Variants in AJAP1 observed in about 807,000 individuals in gnomAD.
AJAP1 encodes adherens junctions associated protein 1, also known as adherens junction-associated protein 1.
AJAP1 carries 5 observed loss-of-function variants against 35.0 expected under a neutral mutation model. The ratio of observed to expected loss-of-function variants is 0.14; its 90% CI spans 0.07 to 0.30. The LOEUF (loss-of-function observed/expected upper bound fraction) is 0.30. Among genes scored for constraint, AJAP1 ranks in the 10% least tolerant of loss-of-function variants. AJAP1 has a pLI of 1.00. For synonymous variants in AJAP1, 284 were observed against 249.3 expected (o/e 1.14, Z -1.31); for missense variants, 586 against 571.0 (o/e 1.03, Z -0.27).
At chr1:4,748,851 G>A (rs1641257263) in intron 2 of AJAP1, among the ~76,000 whole-genome samples, 1 of 152,038 alleles carries the variant, frequency 6.6e-6, no homozygotes. Flanking sequence ...ACTTGAGGAT[G>A]CAGCAAAAGG....
At chr1:4,669,217 C>A (rs1314485814) in intron 1 of AJAP1, among the ~76,000 whole-genome samples, 2 of 152,170 alleles carry the variant, frequency 1.3e-5, no homozygotes, top group Non-Finnish European at 1.5e-5. Context: ...AGTCATTCCC[C>A]GTCCCCCTGG....
intron 1 of AJAP1, among the ~76,000 whole-genome samples, chr1:4,708,359 G>A (rs1428455258): frequency 6.6e-6 from 1 of 152,160 alleles, no homozygotes; most frequent in East Asian, 1.9e-4. Context: ...CCTGATGGTT[G>A]GTGCTGTGGT....
intron 1 of AJAP1, among the ~76,000 whole-genome samples, chr1:4,709,071 A>G: frequency 6.6e-6 from 1 of 152,376 alleles, no homozygotes; most frequent in African/African-American, 2.4e-5. Flanking sequence ...GAAAAATCAC[A>G]GAAATATCCT....
At chr1:4,674,730 T>C (rs566243596) in intron 1 of AJAP1, among the ~76,000 whole-genome samples, 1 of 152,300 alleles carries the variant, frequency 6.6e-6, no homozygotes, top group East Asian at 1.9e-4. Context: ...TCTAGTTCTC[T>C]GAGGGATCGG....
intron 5 of AJAP1, among the ~76,000 whole-genome samples, chr1:4,779,039 G>A (rs527439332): frequency 2.0e-5 from 3 of 152,190 alleles, no homozygotes; most frequent in Non-Finnish European, 2.9e-5. Flanking sequence ...GATAAAGCTC[G>A]ATGCAGATGG....
At chr1:4,760,482 G>C (rs570115103) in intron 2 of AJAP1, among the ~76,000 whole-genome samples, 1 of 152,272 alleles carries the variant, frequency 6.6e-6, no homozygotes, top group Non-Finnish European at 1.5e-5. Context: ...GCTTCTTCCA[G>C]CACTGGACTT....
At chr1:4,752,473 C>G (rs146610444) in intron 2 of AJAP1, among the ~76,000 whole-genome samples, 1 of 152,146 alleles carries the variant, frequency 6.6e-6, no homozygotes, top group Non-Finnish European at 1.5e-5. Context: ...GAGCCCCATT[C>G]GCAATCTTAC....
At chr1:4,680,887 A>G (rs1639467380) in intron 1 of AJAP1, among the ~76,000 whole-genome samples, 1 of 152,204 alleles carries the variant, frequency 6.6e-6, no homozygotes, top group East Asian at 1.9e-4. Flanking sequence ...GAAATGGACT[A>G]TTTCTGTGCG....
intron 1 of AJAP1, among the ~76,000 whole-genome samples, chr1:4,660,554 TAAAAG>T (rs550902251): frequency 3.9e-4 from 60 of 152,294 alleles, no homozygotes; most frequent in Non-Finnish European, 7.5e-4. Flanking sequence ...AAGGTTTAAT[TAAAAG>T]AAACAAACTA....
intron 2 of AJAP1, among the ~76,000 whole-genome samples, chr1:4,728,412 C>T (rs896885965): frequency 5.3e-5 from 8 of 152,326 alleles, no homozygotes; most frequent in Admixed American, 1.3e-4. Flanking sequence ...GAGGAATGCA[C>T]TCACACTGCC....
chr1:4,696,752 G>A lies in AJAP1; in HGVS notation c.30-15148G>A, dbSNP rs1053643059. 9.2e-5 allele frequency among the ~76,000 whole-genome samples: 14 copies of A among 152,194 alleles called. 1 individual carries two copies. Among genetic ancestry groups the A allele is most frequent in the African/African-American group, 3.4e-4 (14 of 41,438 alleles). On this transcript the variant is annotated intron_variant, in intron 1 of 5. Coordinates refer to ENST00000378191, the MANE Select transcript of AJAP1 (RefSeq NM_018836.4). ...GTGCACGCACCTGCGTTCTGTGTGT[G>A]CATATGACTGTGTGTGCATTCAGGC...
At chr1:4,663,964 C>T (rs1297429200) in intron 1 of AJAP1, among the ~76,000 whole-genome samples, 1 of 152,148 alleles carries the variant, frequency 6.6e-6, no homozygotes, top group Admixed American at 6.6e-5. Context: ...CATAAACACC[C>T]TCACTGAGGC....
chr1:4,689,992 C>T (rs1055489215), intron 1 of AJAP1, among the ~76,000 whole-genome samples: 4 of 152,126 alleles, frequency 2.6e-5, no homozygotes, highest in African/African-American at 7.2e-5. Context: ...TCACTGCCCC[C>T]GGTTGAGACC....
chr1:4,707,995 G>A (rs1419890850), intron 1 of AJAP1, among the ~76,000 whole-genome samples: 2 of 142,530 alleles, frequency 1.4e-5, no homozygotes, highest in Non-Finnish European at 3.0e-5. Flanking sequence ...TTGAGACGCA[G>A]TCTCACTCCA....
Position 4,712,299 on chromosome 1 carries a change from T to C in AJAP1, c.429T>C (p.Gly143=), listed in dbSNP as rs1402462484. 6.7e-7 allele frequency: 1 copy of C among 1,493,336 alleles called. No individual in the cohort carries two copies. The highest frequency in any genetic ancestry group is 1.4e-5 in the South Asian group (1 of 71,988). 92.5% of individuals were successfully genotyped at this position (1,493,336 alleles called of 1,614,324 possible). A position where few individuals can be genotyped will look rare whatever the true frequency, so the allele number is the denominator to read the frequency against. The change falls in exon 2 of 6, where the codon GGT becomes GGC. Residue 143 remains glycine (G), a synonymous_variant. Transcript: ENST00000378191. ...SSSSSSSAVA[G]GAPEQQALLR... Reference sequence around the variant, plus strand: ...CGTCCTCGTCCTCCGCGGTGGCCGGTGGGGCCCCGGAGCAGCAGGCCCTCC... The same window carrying C: ...CGTCCTCGTCCTCCGCGGTGGCCGGCGGGGCCCCGGAGCAGCAGGCCCTCC...
At chr1:4,730,430 G>T (rs936500024) in intron 2 of AJAP1, among the ~76,000 whole-genome samples, 2 of 152,158 alleles carry the variant, frequency 1.3e-5, no homozygotes, top group South Asian at 4.1e-4. Context: ...AGAAGCGGGT[G>T]TTGGGAGAGC....
chr1:4,778,125 A>G (rs1641976603), intron 5 of AJAP1, among the ~76,000 whole-genome samples: 1 of 152,232 alleles, frequency 6.6e-6, no homozygotes. Flanking sequence ...CATGCAGCCC[A>G]GTGGGGCCAG....
At chr1:4,718,980 G>A (rs903523642) in intron 2 of AJAP1, among the ~76,000 whole-genome samples, 7 of 152,124 alleles carry the variant, frequency 4.6e-5, no homozygotes, top group African/African-American at 1.2e-4. Flanking sequence ...GGTAGCCGGC[G>A]GCTGCACGAA....
intron 1 of AJAP1, among the ~76,000 whole-genome samples, chr1:4,675,942 G>A (rs1639352564): frequency 6.6e-6 from 1 of 152,240 alleles, no homozygotes; most frequent in South Asian, 2.1e-4. Context: ...CAGAGAAGCT[G>A]CGTGGAGTCT....
Sources: gnomAD v4.1 joint callset for allele counts (sites outside exome capture counted in the v4.1 genomes callset) on GRCh38, gnomAD v4.1.1 for gene constraint, MANE v1.5 for transcripts, NCBI Gene and HGNC (gene_info 2026-07-23, HGNC 2026-07-21) for gene names.